The following AXDND1 variants were observed in gnomAD, a reference collection of about 807,000 sequenced individuals.
The protein encoded by AXDND1 is axonemal dynein light chain domain containing 1, also known as axonemal dynein light chain domain-containing protein 1.
Under a neutral mutation model 137.5 loss-of-function variants are expected in AXDND1, and 110 were observed. That is an observed-to-expected ratio of 0.80 (90% CI 0.69 to 0.94). AXDND1 has a LOEUF of 0.94. AXDND1 is among the 40% of genes least tolerant of loss of function. AXDND1 has a pLI of 0.00. For missense variants in AXDND1, 1,191 were observed against 1,169.8 expected (o/e 1.02, Z -0.26); for synonymous variants, 414 against 399.7 (o/e 1.04, Z -0.43).
intron 16 of AXDND1, among the ~76,000 whole-genome samples, chr1:179,459,997 TTCCTTCCTTCCTC>T (rs1662068046): frequency 5.0e-5 from 7 of 139,162 alleles, no homozygotes; most frequent in East Asian, 2.3e-4. Context: ...CTTTCCTTCC[TTCCTTCCTTCCTC>T]TCCTTCCTTC....
intron 25 of AXDND1, among the ~76,000 whole-genome samples, chr1:179,539,086 TG>T (rs1671843539): frequency 6.6e-6 from 1 of 152,214 alleles, no homozygotes; most frequent in African/African-American, 2.4e-5. Context: ...TGTGTGTCTT[TG>T]CACAGGAGAT....
chr1:179,396,602 T>C (rs1651108820), intron 11 of AXDND1, among the ~76,000 whole-genome samples: 1 of 151,458 alleles, frequency 6.6e-6, no homozygotes, highest in South Asian at 2.1e-4. Context: ...GAGCCGAGAC[T>C]GCGCCACTGC....
chr1:179,434,929 A>G (rs778159673), intron 15 of AXDND1, among the ~76,000 whole-genome samples: 6 of 152,196 alleles, frequency 3.9e-5, no homozygotes, highest in South Asian at 2.1e-4. Flanking sequence ...ACATGATTCT[A>G]TGTTTAGAAA....
In AXDND1 at chr1:179,534,938, A is replaced by G. The variant is rs1453848830; in HGVS notation, c.3007A>G (p.Asn1003Asp). 1.9e-6 allele frequency: 3 copies of G among 1,606,026 alleles called. No homozygotes were observed. Among genetic ancestry groups the G allele is most frequent in the Non-Finnish European group, 2.5e-6 (3 of 1,178,232 alleles). Residue 1003 changes from asparagine to aspartate, a missense_variant, in exon 25 of 26, where the codon AAT becomes GAT. Coordinates refer to ENST00000367618, the MANE Select transcript of AXDND1 (RefSeq NM_144696.6). ...AGAAGAAGAAGTCAGGTCAGCAGAA[A>G]ATTCCTCAAAATCTCCAAAGAAAGG... is the stretch of plus-strand genomic sequence containing the variant. Reference protein sequence around the residue: ...QEEEEVRSAENSSKSPKKGH With the variant: ...QEEEEVRSAEDSSKSPKKGH
In AXDND1 at chr1:179,533,938, A is replaced by G; in HGVS notation, c.2798+61A>G. Reference sequence around the variant, plus strand: ...AATGGCTGGCCAGAAGGTTTGACTGAGAAATTCACACTTTTTGGCTTCCCT... The same window carrying G: ...AATGGCTGGCCAGAAGGTTTGACTGGGAAATTCACACTTTTTGGCTTCCCT... On this transcript the variant is annotated intron_variant, in intron 24 of 25. Transcript: ENST00000367618. 3 of 1,450,160 alleles carry G rather than the reference A, an allele frequency of 2.1e-6. No homozygotes were observed. In the East Asian group the frequency reaches 6.9e-5, roughly 33 times the overall value. The allele number at this position is 1,450,160 out of a possible 1,614,324, so 89.8% of individuals were successfully genotyped here. A position where few individuals can be genotyped will look rare whatever the true frequency, so the allele number is the denominator to read the frequency against.
At chr1:179,541,272 C>T (rs1672106035) in intron 25 of AXDND1, among the ~76,000 whole-genome samples, 1 of 152,186 alleles carries the variant, frequency 6.6e-6, no homozygotes, top group Non-Finnish European at 1.5e-5. Context: ...AATACCCTGA[C>T]TCCTTGTACT....
chr1:179,422,062 A>G (rs1200151460), intron 12 of AXDND1, among the ~76,000 whole-genome samples: 1 of 143,248 alleles, frequency 7.0e-6, no homozygotes. Flanking sequence ...AAAAAAAAAA[A>G]CAGCAGCTTT....
intron 4 of AXDND1, among the ~76,000 whole-genome samples, chr1:179,374,993 A>G (rs1312270857): frequency 6.6e-6 from 1 of 151,912 alleles, no homozygotes; most frequent in African/African-American, 2.4e-5. Context: ...AAATAAATAA[A>G]TAAAATAAAT....
At chr1:179,466,653 T>G (rs1401103038) in intron 16 of AXDND1, among the ~76,000 whole-genome samples, 1 of 152,210 alleles carries the variant, frequency 6.6e-6, no homozygotes, top group African/African-American at 2.4e-5. Flanking sequence ...GTCTGGTGAT[T>G]GGATAATATT....
intron 21 of AXDND1, among the ~76,000 whole-genome samples, chr1:179,512,609 G>A (rs1294409894): frequency 5.9e-5 from 9 of 152,070 alleles, no homozygotes; most frequent in African/African-American, 2.2e-4. Context: ...GAATGATAGT[G>A]GTGTTCTGAT....
intron 9 of AXDND1, among the ~76,000 whole-genome samples, chr1:179,389,660 A>G (rs1015093376): frequency 6.6e-6 from 1 of 151,598 alleles, no homozygotes; most frequent in East Asian, 1.9e-4. Flanking sequence ...CTAACTTACT[A>G]TTTTTTGTTT....
intron 16 of AXDND1, chr1:179,453,105 C>G (rs1660779762): frequency 6.6e-6 from 1 of 152,264 alleles, no homozygotes; most frequent in Middle Eastern, 3.1e-3. Flanking sequence ...GGTTTGGGAA[C>G]CTCCACCCAG....
chr1:179,539,541 G>T (rs188143811), intron 25 of AXDND1, among the ~76,000 whole-genome samples: 11 of 152,300 alleles, frequency 7.2e-5, no homozygotes, highest in Middle Eastern at 3.4e-3. Flanking sequence ...GGCTTGTAGG[G>T]TTTCTGCTGA....
chr1:179,544,476 C>A (rs547351228), intron 25 of AXDND1: 5 of 152,134 alleles, frequency 3.3e-5, no homozygotes, highest in African/African-American at 1.2e-4. Flanking sequence ...GAATTCGAGA[C>A]CAGACTCGCC....
At chr1:179,528,699 C>A (rs1670780657) in intron 23 of AXDND1, among the ~76,000 whole-genome samples, 1 of 121,224 alleles carries the variant, frequency 8.2e-6, no homozygotes, top group African/African-American at 3.1e-5. Flanking sequence ...TCAAGCGATT[C>A]TCCTGCCTCA....
At chr1:179,470,517 A>G (rs1422093487) in intron 17 of AXDND1, among the ~76,000 whole-genome samples, 1 of 152,008 alleles carries the variant, frequency 6.6e-6, no homozygotes, top group Non-Finnish European at 1.5e-5. Flanking sequence ...CTTTTGTTAT[A>G]TTTACTCCTA....
In AXDND1 at chr1:179,469,754, G is replaced by C. The variant is rs574648735; in HGVS notation, c.1997+1113G>C. Among the ~76,000 whole-genome samples, 18 of 152,216 alleles carry C rather than the reference G, an allele frequency of 1.2e-4. No homozygotes were observed. The Middle Eastern group carries it at 0.017, about 144-fold the overall frequency. ...TGAAGTGTTATTTTATTGTAGTTTT[G>C]ATTCACATTTCCCTAATGACAAATG... On this transcript the variant is annotated intron_variant, in intron 17 of 25. Coordinates refer to ENST00000367618, the MANE Select transcript of AXDND1 (RefSeq NM_144696.6).
rs550267944 is a variant in AXDND1 at position 179,403,032 on chromosome 1, T to G, written c.1109+7830T>G. ...GGGGTTAGAGACACTGAAACCCACA[T>G]AGTCAAAAACCTACATATAACTTTT... is the stretch of plus-strand genomic sequence containing the variant. On this transcript the variant is annotated intron_variant, in intron 11 of 25. Transcript: ENST00000367618. Among the ~76,000 whole-genome samples, 5 of 152,306 alleles carry G rather than the reference T, an allele frequency of 3.3e-5. No homozygotes were observed. The Middle Eastern group carries it at 0.01, about 311-fold the overall frequency.
chr1:179,379,368 C>T (rs746501655), intron 5 of AXDND1, 29 bp from the exon 6 acceptor site: 3 of 1,600,520 alleles, frequency 1.9e-6, no homozygotes, highest in African/African-American at 2.7e-5. Context: ...TATATTCATT[C>T]TTTTATTTTG....
Sources: gnomAD v4.1 joint callset for allele counts (sites outside exome capture counted in the v4.1 genomes callset) on GRCh38, gnomAD v4.1.1 for gene constraint, MANE v1.5 for transcripts, NCBI Gene and HGNC (gene_info 2026-07-23, HGNC 2026-07-21) for gene names.